SSPN: variants seen among roughly 807,000 people sequenced by gnomAD.
SSPN encodes sarcospan, also known as K-ras oncogene-associated protein.
A neutral mutation model predicts 19.1 loss-of-function variants in SSPN; 15 were observed. The observed-to-expected ratio is 0.78, with a 90% confidence interval of 0.52 to 1.21. The LOEUF (loss-of-function observed/expected upper bound fraction) is 1.21. SSPN is among the 50% of genes most tolerant of loss of function. The pLI is 0.00. For synonymous variants in SSPN, 147 were observed against 140.3 expected (o/e 1.05, Z -0.34); for missense variants, 291 against 314.0 (o/e 0.93, Z 0.55).
upstream of SSPN, among the ~76,000 whole-genome samples, chr12:26,191,118 T>G (rs1392231801): frequency 6.6e-6 from 1 of 152,238 alleles, no homozygotes; most frequent in Non-Finnish European, 1.5e-5. Context: ...CAAGTGGTAT[T>G]CCACTGTATG....
At chr12:26,123,204 G>T in intron 1 of SSPN, 1 of 1,544,322 alleles carries the variant, frequency 6.5e-7, no homozygotes, top group Non-Finnish European at 8.7e-7. Context: ...GGGGACGGAG[G>T]AGTGGAGGCA....
At chr12:26,137,764 A>C (rs1233039641) in intron 1 of SSPN, among the ~76,000 whole-genome samples, 2 of 144,338 alleles carry the variant, frequency 1.4e-5, no homozygotes, top group African/African-American at 5.2e-5. Flanking sequence ...TCCTCTTTTC[A>C]AGCGATTCTC....
intron 1 of SSPN, among the ~76,000 whole-genome samples, chr12:26,185,302 A>C (rs1944745982): frequency 6.6e-6 from 1 of 152,212 alleles, no homozygotes; most frequent in African/African-American, 2.4e-5. Flanking sequence ...CGTGAGGAGC[A>C]ACTTGCTTAT....
At chr12:26,139,292 T>C (rs1435207756) in intron 1 of SSPN, among the ~76,000 whole-genome samples, 2 of 152,216 alleles carry the variant, frequency 1.3e-5, no homozygotes, top group Non-Finnish European at 2.9e-5. Flanking sequence ...TTAATGTTGA[T>C]TGAAATTTTC....
At chr12:26,229,018 A>G (rs1319494806) in intron 2 of SSPN, among the ~76,000 whole-genome samples, 1 of 152,172 alleles carries the variant, frequency 6.6e-6, no homozygotes, top group African/African-American at 2.4e-5. Flanking sequence ...CACTTTGTAT[A>G]TATCTGGTTC....
intron 2 of SSPN, 100 bp downstream of exon 2, chr12:26,224,479 C>A: frequency 1.9e-6 from 2 of 1,037,438 alleles, no homozygotes; most frequent in Admixed American, 1.9e-5. Context: ...TCTGATTAGT[C>A]TAGAAATTGC....
chr12:26,209,097 T>A (rs528899818), intron 1 of SSPN, among the ~76,000 whole-genome samples: 1 of 152,172 alleles, frequency 6.6e-6, no homozygotes, highest in African/African-American at 2.4e-5. Flanking sequence ...GCTTTTCAAG[T>A]TCCAAGAAAA....
At chr12:26,161,820 G>A (rs1055046983) in intron 1 of SSPN, among the ~76,000 whole-genome samples, 9 of 152,108 alleles carry the variant, frequency 5.9e-5, no homozygotes, top group South Asian at 2.1e-4. Flanking sequence ...TAGATTCCTC[G>A]CATGCGCAGT....
chr12:26,162,639 A>G (rs1023430862), intron 1 of SSPN, among the ~76,000 whole-genome samples: 2 of 152,212 alleles, frequency 1.3e-5, no homozygotes, highest in Non-Finnish European at 2.9e-5. Flanking sequence ...CTGTAACTTT[A>G]GTGAGTAAAC....
intron 1 of SSPN, among the ~76,000 whole-genome samples, chr12:26,161,855 GAGAATCTA>G (rs1236053229): frequency 6.6e-6 from 1 of 152,188 alleles, no homozygotes; most frequent in Non-Finnish European, 1.5e-5. Flanking sequence ...ATGGTCCTAT[GAGAATCTA>G]ATGCCACCAC....
At chr12:26,225,203 G>A (rs1205826998) in intron 2 of SSPN, among the ~76,000 whole-genome samples, 1 of 150,508 alleles carries the variant, frequency 6.6e-6, no homozygotes. Flanking sequence ...TCACTACAAT[G>A]AGAAAACATC....
Position 26,230,756 on chromosome 12 carries a change from C to A in SSPN, c.412C>A (p.Leu138Met). 1 of 1,614,190 alleles carries A rather than the reference C, an allele frequency of 6.2e-7. No homozygotes were observed. Among genetic ancestry groups the A allele is most frequent in the Non-Finnish European group, 8.5e-7 (1 of 1,180,012 alleles). ...LSALGLTVCV[L>M]AVAFAAHHYS... ...TGCCCTGGGCCTGACGGTCTGTGTG[C>A]TGGCCGTGGCCTTTGCCGCCCACCA... Residue 138 changes from leucine to methionine, a missense_variant, in exon 3 of 3, where the codon CTG becomes ATG. By Grantham distance (15) the Leu-to-Met change is conservative. Around this residue, in one of 3 missense-constraint regions of SSPN, gnomAD observed 141 missense variants for 166.7 expected, o/e 0.85. Transcript: ENST00000242729.
At chr12:26,228,737 C>T (rs555778802) in intron 2 of SSPN, among the ~76,000 whole-genome samples, 1 of 152,184 alleles carries the variant, frequency 6.6e-6, no homozygotes, top group Non-Finnish European at 1.5e-5. Context: ...AGTAATCAAG[C>T]CTGAATATTT....
intron 1 of SSPN, among the ~76,000 whole-genome samples, chr12:26,223,235 A>G (rs1450271871): frequency 6.6e-6 from 1 of 152,066 alleles, no homozygotes; most frequent in Non-Finnish European, 1.5e-5. Flanking sequence ...TTTGAGATGG[A>G]GTTTCGCTCT....
At chr12:26,213,758 A>T (rs1945017172) in intron 1 of SSPN, among the ~76,000 whole-genome samples, 1 of 152,004 alleles carries the variant, frequency 6.6e-6, no homozygotes, top group Non-Finnish European at 1.5e-5. Flanking sequence ...TATTTTACTA[A>T]TCACTGTATG....
chr12:26,219,676 C>G (rs1945098222), intron 1 of SSPN, among the ~76,000 whole-genome samples: 1 of 152,204 alleles, frequency 6.6e-6, no homozygotes, highest in Non-Finnish European at 1.5e-5. Context: ...TGATTACCGT[C>G]TTTCTTTTTT....
intron 1 of SSPN, among the ~76,000 whole-genome samples, chr12:26,140,906 C>A (rs1198398242): frequency 6.6e-6 from 1 of 152,164 alleles, no homozygotes; most frequent in African/African-American, 2.4e-5. Context: ...TTTCATCACA[C>A]AGATCTTTCA....
At chr12:26,191,314 A>G (rs1192146285), upstream of SSPN, among the ~76,000 whole-genome samples, 1 of 152,236 alleles carries the variant, frequency 6.6e-6, no homozygotes, top group Non-Finnish European at 1.5e-5. Context: ...TCACCTCTAT[A>G]GCCCTCCAGA....
intron 1 of SSPN, among the ~76,000 whole-genome samples, chr12:26,184,288 T>C (rs1944738458): frequency 6.6e-6 from 1 of 152,236 alleles, no homozygotes; most frequent in Non-Finnish European, 1.5e-5. Flanking sequence ...TTTTCTGCAA[T>C]CCCTCCTACT....
Sources: gnomAD v4.1 joint callset for allele counts (sites outside exome capture counted in the v4.1 genomes callset) on GRCh38, gnomAD v4.1.1 for gene constraint, gnomAD v4.1.1 regional missense constraint, MANE v1.5 for transcripts, NCBI Gene and HGNC (gene_info 2026-07-23, HGNC 2026-07-21) for gene names.